TNFAIP6: variants seen among roughly 807,000 people sequenced by gnomAD.
TNFAIP6 encodes tumor necrosis factor-inducible gene 6 protein.
A neutral mutation model predicts 33.7 loss-of-function variants in TNFAIP6; 36 were observed. The ratio of observed to expected loss-of-function variants is 1.07; its 90% CI spans 0.82 to 1.41. TNFAIP6 has a LOEUF of 1.41. TNFAIP6 is among the 40% of genes most tolerant of loss of function. The pLI, the probability that TNFAIP6 is intolerant of heterozygous loss-of-function variation, is 0.00. For synonymous variants in TNFAIP6, 113 were observed against 112.8 expected (o/e 1.00, Z -0.01); for missense variants, 273 against 331.9 (o/e 0.82, Z 1.38).
chr2:151,358,683 T>C (rs569321369), intron 1 of TNFAIP6, among the ~76,000 whole-genome samples: 1 of 152,350 alleles, frequency 6.6e-6, no homozygotes, highest in African/African-American at 2.4e-5. Context: ...AGCACAGTTG[T>C]AGAATATTTT....
downstream of TNFAIP6, among the ~76,000 whole-genome samples, chr2:151,380,745 T>C (rs1684999892): frequency 1.3e-5 from 2 of 152,312 alleles, no homozygotes; most frequent in South Asian, 4.1e-4. Flanking sequence ...GTTTGGCTAT[T>C]ATCTCTCTGT....
At chr2:151,364,664 G>A (rs1684682374) in intron 2 of TNFAIP6, among the ~76,000 whole-genome samples, 1 of 152,142 alleles carries the variant, frequency 6.6e-6, no homozygotes, top group South Asian at 2.1e-4. Context: ...GCAATCAACT[G>A]GTGTTACATG....
intron 5 of TNFAIP6, among the ~76,000 whole-genome samples, chr2:151,373,980 A>G (rs887107281): frequency 6.6e-6 from 1 of 152,214 alleles, no homozygotes; most frequent in Admixed American, 6.5e-5. Flanking sequence ...ACAATCTTAC[A>G]TCATATTCAT....
chr2:151,370,132 T>C lies in TNFAIP6; in HGVS notation c.507T>C (p.Tyr169=), dbSNP rs745332684. ...GCTACTGGCACATTAGACTCAAGTA[T>C]GGTCAGCGTATTCACCTGAGTTTTT... ...QICYWHIRLK[Y]GQRIHLSFLD... is the part of the protein sequence containing the mutation. The change falls in exon 4 of 6, where the codon TAT becomes TAC. Residue 169 remains tyrosine, a synonymous_variant. Transcript: ENST00000243347. 1.1e-5 allele frequency: 17 copies of C among 1,614,008 alleles called. No individual in the cohort carries two copies. The East Asian group carries it at 1.3e-4, about 13-fold the overall frequency.
At position 151,357,748 on chromosome 2, in the gene TNFAIP6, T is replaced by C. The variant is rs774170435; in HGVS notation, c.82T>C (p.Ser28Pro). ...WGFKDGIFHN[S>P]IWLERAAGVY... Reference sequence around the variant, plus strand: ...ATTCAAGGATGGAATTTTTCATAACTCCATATGGCTTGGTAAGAACCTTCA... The same window carrying C: ...ATTCAAGGATGGAATTTTTCATAACCCCATATGGCTTGGTAAGAACCTTCA... Residue 28 changes from serine (S) to proline (P), a missense_variant, in exon 1 of 6, where the codon TCC becomes CCC. By Grantham distance (74) the Ser-to-Pro change is moderately conservative. Transcript: ENST00000243347. The C allele has an allele frequency of 6.2e-7, 1 of 1,605,036 alleles. No individual in the cohort carries two copies. Among genetic ancestry groups the C allele is most frequent in the Admixed American group, 1.7e-5 (1 of 60,002 alleles).
chr2:151,361,935 C>T (rs1414683248), intron 1 of TNFAIP6, among the ~76,000 whole-genome samples: 2 of 152,128 alleles, frequency 1.3e-5, no homozygotes, highest in East Asian at 3.8e-4. Flanking sequence ...CCTTGGAGTT[C>T]AGAAAAACAA....
chr2:151,376,098 T>G (rs1003011067), intron 5 of TNFAIP6, among the ~76,000 whole-genome samples: 11 of 151,834 alleles, frequency 7.2e-5, no homozygotes, highest in Non-Finnish European at 1.6e-4. Context: ...CACAAAAAAT[T>G]AGCCCGGTGT....
Position 151,379,493 on chromosome 2 carries a change from G to A in TNFAIP6, c.794G>A (p.Gly265Glu). Residue 265 changes from glycine to glutamate, a missense_variant, in exon 6 of 6, where the codon GGA becomes GAA. Coordinates refer to ENST00000243347, the MANE Select transcript of TNFAIP6 (RefSeq NM_007115.4). ...AAAAATACAAGTACTACTTCTACTG[G>A]AAATAAAAACTTTTTAGCTGGAAGA... The part of the protein sequence containing the change: ...QGKNTSTTST[G>E]NKNFLAGRFS... 5 of 1,570,544 alleles carry A rather than the reference G, an allele frequency of 3.2e-6. No individual in the cohort carries two copies. Among genetic ancestry groups the A allele is most frequent in the East Asian group, 4.7e-5 (2 of 42,974 alleles).
intron 4 of TNFAIP6, chr2:151,372,111 G>A (rs958142570): frequency 1.3e-5 from 2 of 152,322 alleles, no homozygotes; most frequent in African/African-American, 4.8e-5. Flanking sequence ...TCCACACTAA[G>A]AGCAGCATCA....
At chr2:151,380,282 T>A (rs993756341), downstream of TNFAIP6, among the ~76,000 whole-genome samples, 1 of 152,162 alleles carries the variant, frequency 6.6e-6, no homozygotes, top group Non-Finnish European at 1.5e-5. Context: ...TGATATAATC[T>A]TCTCTATTGA....
chr2:151,374,371 T>C (rs572219836), intron 5 of TNFAIP6, among the ~76,000 whole-genome samples: 1 of 152,224 alleles, frequency 6.6e-6, no homozygotes, highest in South Asian at 2.1e-4. Flanking sequence ...AAAAACTTCC[T>C]TTCTTACATG....
At position 151,364,097 on chromosome 2, in the gene TNFAIP6, T is replaced by C; in HGVS notation, c.232+17T>C. 6.2e-7 allele frequency: 1 copy of C among 1,612,044 alleles called. No individual in the cohort carries two copies. Among genetic ancestry groups the C allele is most frequent in the South Asian group, 1.1e-5 (1 of 90,860 alleles). ...GAAAAATTGGTAACTGATTTCACAATGATTTTTCTTCTTTTTTATCCTTGG... is the reference window on the plus strand; with the variant it reads ...GAAAAATTGGTAACTGATTTCACAACGATTTTTCTTCTTTTTTATCCTTGG... On this transcript the variant is annotated intron_variant, in intron 2 of 5. Transcript: ENST00000243347.
intron 2 of TNFAIP6, among the ~76,000 whole-genome samples, chr2:151,364,760 T>G (rs763224916): frequency 6.6e-6 from 1 of 152,208 alleles, no homozygotes; most frequent in Non-Finnish European, 1.5e-5. Context: ...CTTTGCTGAC[T>G]GGATAACATC....
chr2:151,362,357 T>C (rs1684638035), intron 1 of TNFAIP6, among the ~76,000 whole-genome samples: 1 of 152,142 alleles, frequency 6.6e-6, no homozygotes, highest in Admixed American at 6.6e-5. Context: ...AGGCATTAAC[T>C]GGTAGTTAGG....
intron 5 of TNFAIP6, among the ~76,000 whole-genome samples, chr2:151,378,529 C>T (rs1684957327): frequency 6.6e-6 from 1 of 151,124 alleles, no homozygotes; most frequent in African/African-American, 2.4e-5. Flanking sequence ...GCTCTTGTTG[C>T]CCAGGCTGGA....
chr2:151,379,258 G>A, intron 5 of TNFAIP6, 106 bp from the exon 6 acceptor site: 1 of 1,066,156 alleles, frequency 9.4e-7, no homozygotes, highest in Non-Finnish European at 1.3e-6. Context: ...TGGGAATCTT[G>A]TTCATGAATT....
At chr2:151,370,284 C>T (rs368642402) in intron 4 of TNFAIP6, 36 bp downstream of exon 4, 26 of 1,482,304 alleles carry the variant, frequency 1.8e-5, no homozygotes, top group East Asian at 2.3e-5. Flanking sequence ...GTTAAATGAA[C>T]GTCCAGTATT....
chr2:151,381,264 A>G (rs996948115), downstream of TNFAIP6, among the ~76,000 whole-genome samples: 1 of 152,146 alleles, frequency 6.6e-6, no homozygotes, highest in Non-Finnish European at 1.5e-5. Flanking sequence ...TGAGCTCAGG[A>G]GTTCAAAACC....
At chr2:151,364,985 G>A (rs886404471) in intron 2 of TNFAIP6, among the ~76,000 whole-genome samples, 1 of 152,116 alleles carries the variant, frequency 6.6e-6, no homozygotes, top group Non-Finnish European at 1.5e-5. Context: ...CAGCCTCTGA[G>A]GCTGAGCAAA....
Sources: gnomAD v4.1 joint callset for allele counts (sites outside exome capture counted in the v4.1 genomes callset) on GRCh38, gnomAD v4.1.1 for gene constraint, MANE v1.5 for transcripts, NCBI Gene and HGNC (gene_info 2026-07-23, HGNC 2026-07-21) for gene names.